Variants in TMEM266 observed in about 807,000 individuals in gnomAD.
The protein encoded by TMEM266 is Hv1 related protein 1.
TMEM266 carries 33 observed loss-of-function variants against 50.5 expected under a neutral mutation model. The ratio of observed to expected loss-of-function variants is 0.65; its 90% confidence interval spans 0.50 to 0.87. The LOEUF is 0.87. TMEM266 is among the 40% of genes least tolerant of loss of function. TMEM266 has a pLI of 0.00. For synonymous variants in TMEM266, 310 were observed against 292.3 expected (o/e 1.06, Z -0.62); for missense variants, 655 against 695.1 (o/e 0.94, Z 0.65).
At chr15:76,156,381 GA>G (rs200638252) in intron 3 of TMEM266, among the ~76,000 whole-genome samples, 3 of 150,826 alleles carry the variant, frequency 2.0e-5, no homozygotes, top group Admixed American at 1.3e-4. Flanking sequence ...GAAAAGAAAA[GA>G]AAAAAAAAGT....
intron 1 of TMEM266, among the ~76,000 whole-genome samples, chr15:76,075,187 G>A (rs1156813786): frequency 6.6e-6 from 1 of 152,106 alleles, no homozygotes; most frequent in African/African-American, 2.4e-5. Flanking sequence ...GCCAGGGTAT[G>A]TGGATGACAT....
intron 1 of TMEM266, among the ~76,000 whole-genome samples, chr15:76,060,459 T>G (rs549800875): frequency 6.6e-6 from 1 of 152,256 alleles, no homozygotes. Context: ...TCCCACACCC[T>G]GAGGATTTGT....
intron 6 of TMEM266, among the ~76,000 whole-genome samples, 157 bp from the exon 7 acceptor site, chr15:76,170,811 TAGGAGGAGGAGGCCCCTAAAGACTC>T (rs1246268128): frequency 2.0e-5 from 3 of 152,066 alleles, no homozygotes; most frequent in Non-Finnish European, 4.4e-5. Context: ...GGAGAACGTC[TAGGAGGAGGAGGCCCCTAAAGACTC>T]AGGAGGGTCA....
intron 1 of TMEM266, among the ~76,000 whole-genome samples, chr15:76,119,997 A>G (rs1017076114): frequency 6.6e-6 from 1 of 152,282 alleles, no homozygotes; most frequent in Non-Finnish European, 1.5e-5. Context: ...TGTGATTAAG[A>G]TTCTCCCCTC....
chr15:76,159,734 C>G (rs1471766270), intron 4 of TMEM266, among the ~76,000 whole-genome samples: 1 of 152,012 alleles, frequency 6.6e-6, no homozygotes, highest in Non-Finnish European at 1.5e-5. Flanking sequence ...CTACACAGCC[C>G]AAAAGCCGTG....
intron 5 of TMEM266, among the ~76,000 whole-genome samples, chr15:76,165,501 C>G (rs187241939): frequency 4.6e-5 from 7 of 152,288 alleles, no homozygotes; most frequent in African/African-American, 1.7e-4. Context: ...GGCTGAAAAC[C>G]CTTCGCTCCA....
intron 3 of TMEM266, 68 bp from the exon 4 acceptor site, chr15:76,156,536 T>C: frequency 6.5e-7 from 1 of 1,548,350 alleles, no homozygotes; most frequent in Non-Finnish European, 8.8e-7. Flanking sequence ...AGCAGGGCTT[T>C]GGCCGGGGTC....
At chr15:76,178,849 A>G (rs1276381626) in intron 8 of TMEM266, 1 of 152,260 alleles carries the variant, frequency 6.6e-6, no homozygotes, top group African/African-American at 2.4e-5. Context: ...CTGTCATCTT[A>G]GTTAAGACAG....
chr15:76,149,639 G>A (rs1468637318), intron 3 of TMEM266, among the ~76,000 whole-genome samples: 9 of 152,208 alleles, frequency 5.9e-5, no homozygotes, highest in East Asian at 1.9e-4. Context: ...AAGGCTCAAC[G>A]ATTGCACTCA....
chr15:76,204,086 A>G lies in TMEM266; in HGVS notation c.1367A>G (p.Lys456Arg), dbSNP rs145161130. The change falls in exon 11 of 11, where the codon AAG (lysine) becomes AGG (arginine). Residue 456 changes from lysine to arginine, a missense_variant. This residue lies in a region of TMEM266 where 455 missense variants were observed against 401.8 expected (regional missense o/e 1.13). Transcript: ENST00000388942. ...TCGGAGGACCCCTGCCCTTCCCAGA[A>G]GGCCTTGGACCCAGCCCCCCTCGCC... 8.7e-4 allele frequency: 1,401 copies of G among 1,612,474 alleles called. 11 individuals carry two copies. The African/African-American group carries it at 0.017, about 20-fold the overall frequency.
chr15:76,083,819 C>T (rs1042489979), intron 1 of TMEM266, among the ~76,000 whole-genome samples: 2 of 152,042 alleles, frequency 1.3e-5, no homozygotes, highest in East Asian at 3.8e-4. Flanking sequence ...GGTGGTGGGC[C>T]ATCATCAAAC....
intron 8 of TMEM266, among the ~76,000 whole-genome samples, chr15:76,177,739 C>T (rs1256790695): frequency 6.6e-6 from 1 of 152,218 alleles, no homozygotes; most frequent in African/African-American, 2.4e-5. Flanking sequence ...TGCCATATCG[C>T]GTGGTTAGCC....
chr15:76,078,744 A>G (rs779938277), intron 1 of TMEM266, among the ~76,000 whole-genome samples: 24 of 152,088 alleles, frequency 1.6e-4, no homozygotes, highest in Non-Finnish European at 2.6e-4. Flanking sequence ...AACAACCTCA[A>G]CTCGTGTATG....
In TMEM266 at chr15:76,204,071, C is replaced by T. The variant is rs775548031; in HGVS notation, c.1352C>T (p.Pro451Leu). 6.2e-7 allele frequency: 1 copy of T among 1,612,566 alleles called. No individual in the cohort carries two copies. The highest frequency in any genetic ancestry group is 8.5e-7 in the Non-Finnish European group (1 of 1,179,440). The change falls in exon 11 of 11, where the codon CCC becomes CTC. Residue 451 changes from proline to leucine, a missense_variant. Transcript: ENST00000388942. ...CTGCTGTCCTCCCTGTCGGAGGACC[C>T]CTGCCCTTCCCAGAAGGCCTTGGAC...
At chr15:76,073,662 A>G (rs895776250) in intron 1 of TMEM266, among the ~76,000 whole-genome samples, 1 of 152,270 alleles carries the variant, frequency 6.6e-6, no homozygotes, top group Non-Finnish European at 1.5e-5. Flanking sequence ...GATGAATGGC[A>G]TTTGGCAGAA....
intron 1 of TMEM266, among the ~76,000 whole-genome samples, chr15:76,065,894 C>G (rs1306237312): frequency 6.6e-6 from 1 of 152,100 alleles, no homozygotes; most frequent in Non-Finnish European, 1.5e-5. Flanking sequence ...CGCGCACTCC[C>G]CACTCAACCA....
intron 9 of TMEM266, among the ~76,000 whole-genome samples, chr15:76,201,541 CTAATTTT>C (rs1380020352): frequency 6.6e-6 from 1 of 152,170 alleles, no homozygotes; most frequent in Non-Finnish European, 1.5e-5. Flanking sequence ...TCACGCCCAG[CTAATTTT>C]TAAAAGACCC....
chr15:76,190,852 A>G (rs903407465), intron 8 of TMEM266, among the ~76,000 whole-genome samples: 3 of 152,136 alleles, frequency 2.0e-5, no homozygotes, highest in Non-Finnish European at 2.9e-5. Flanking sequence ...CCTCTTAGGC[A>G]GGGCGCCCGG....
intron 5 of TMEM266, among the ~76,000 whole-genome samples, chr15:76,165,436 G>A (rs1054509863): frequency 6.6e-6 from 1 of 152,230 alleles, no homozygotes; most frequent in Non-Finnish European, 1.5e-5. Context: ...TGCCAAGGCT[G>A]TAGCCTACAC....
Sources: gnomAD v4.1 joint callset for allele counts (sites outside exome capture counted in the v4.1 genomes callset) on GRCh38, gnomAD v4.1.1 for gene constraint, gnomAD v4.1.1 regional missense constraint, MANE v1.5 for transcripts, NCBI Gene and HGNC (gene_info 2026-07-23, HGNC 2026-07-21) for gene names.